The following ZBTB8OS variants were observed in gnomAD, a reference collection of about 807,000 sequenced individuals.
The protein encoded by ZBTB8OS is tRNA splicing ligase complex subunit 1.
A neutral mutation model predicts 29.3 loss-of-function variants in ZBTB8OS; 16 were observed. That is an observed-to-expected ratio of 0.55 (90% CI 0.37 to 0.83). ZBTB8OS has a LOEUF of 0.83. Ranked by LOEUF, ZBTB8OS falls within the 40% of genes least tolerant of loss-of-function variation. ZBTB8OS has a pLI of 0.00. For missense variants in ZBTB8OS, 160 were observed against 196.9 expected, an observed-to-expected ratio of 0.81 and a Z score of 1.12; for synonymous variants, 70 against 64.6, an observed-to-expected ratio of 1.08 and a Z score of -0.40.
intron 1 of ZBTB8OS, among the ~76,000 whole-genome samples, chr1:32,637,875 C>A (rs1646103345): frequency 6.6e-6 from 1 of 151,944 alleles, no homozygotes; most frequent in Non-Finnish European, 1.5e-5. Flanking sequence ...GCTCTGTAGC[C>A]CCGGCTGGAG....
At chr1:32,641,979 T>C (rs1338296255) in intron 1 of ZBTB8OS, among the ~76,000 whole-genome samples, 2 of 152,078 alleles carry the variant, frequency 1.3e-5, no homozygotes, top group African/African-American at 4.8e-5. Context: ...TTTTGTTACA[T>C]AGAATATTAT....
At chr1:32,625,532 T>G (rs934394206) in intron 6 of ZBTB8OS, among the ~76,000 whole-genome samples, 4 of 144,580 alleles carry the variant, frequency 2.8e-5, no homozygotes, top group African/African-American at 1.1e-4. Flanking sequence ...AGACTCCGTC[T>G]CAAAAACAAA....
intron 6 of ZBTB8OS, 128 bp from the exon 7 acceptor site, chr1:32,622,076 A>G: frequency 1.6e-6 from 1 of 637,612 alleles, no homozygotes; most frequent in Middle Eastern, 4.3e-4. Context: ...AACTCACATG[A>G]AACAATTAGT....
At chr1:32,641,101 G>A (rs1164773787) in intron 1 of ZBTB8OS, among the ~76,000 whole-genome samples, 1 of 151,488 alleles carries the variant, frequency 6.6e-6, no homozygotes, top group Admixed American at 6.6e-5. Context: ...GAACCTAGAA[G>A]GTGGAGGTTG....
chr1:32,648,300 T>A (rs1647008380), intron 1 of ZBTB8OS, among the ~76,000 whole-genome samples: 1 of 152,194 alleles, frequency 6.6e-6, no homozygotes, highest in Non-Finnish European at 1.5e-5. Flanking sequence ...AATTTGGCAA[T>A]AACTGTCCAA....
chr1:32,631,323 C>A (rs1322969066), intron 5 of ZBTB8OS, among the ~76,000 whole-genome samples: 1 of 149,794 alleles, frequency 6.7e-6, no homozygotes, highest in Non-Finnish European at 1.5e-5. Context: ...CCACTGTACT[C>A]CAGCCTGGGA....
chr1:32,647,804 T>A (rs993183888), intron 1 of ZBTB8OS, among the ~76,000 whole-genome samples: 1 of 152,012 alleles, frequency 6.6e-6, no homozygotes, highest in African/African-American at 2.4e-5. Flanking sequence ...TTACAGTGAG[T>A]TGTATAATTA....
Position 32,627,558 on chromosome 1 carries a change from AT to A in ZBTB8OS, c.381-15del. 1 of 1,611,620 alleles carries A rather than the reference AT, an allele frequency of 6.2e-7. No homozygotes were observed. The highest frequency in any genetic ancestry group is 8.5e-7 in the Non-Finnish European group (1 of 1,177,862). ...TCTTCTCCCCACCTTGAGAATACAA[AT>A]TAAAACATGATTAAGATTTGTTCTC... On this transcript the variant is annotated splice_polypyrimidine_tract_variant and intron_variant, in intron 5 of 6. Transcript: ENST00000468695.
chr1:32,643,746 C>G (rs576137443), intron 1 of ZBTB8OS, among the ~76,000 whole-genome samples: 2 of 152,206 alleles, frequency 1.3e-5, no homozygotes, highest in Admixed American at 1.3e-4. Context: ...CCGCCTGCCT[C>G]AGCCTCCCAA....
At chr1:32,629,223 C>T (rs1220783756) in intron 5 of ZBTB8OS, among the ~76,000 whole-genome samples, 1 of 151,368 alleles carries the variant, frequency 6.6e-6, no homozygotes, top group Non-Finnish European at 1.5e-5. Context: ...CCAGCCTGGG[C>T]AATGTAGCGA....
intron 4 of ZBTB8OS, 192 bp from the exon 5 acceptor site, chr1:32,632,071 G>A (rs769185828): frequency 8.6e-5 from 24 of 277,646 alleles, no homozygotes; most frequent in African/African-American, 5.5e-4. Context: ...GCGTGATCTC[G>A]GCTCACTGCA....
intron 1 of ZBTB8OS, among the ~76,000 whole-genome samples, chr1:32,642,089 T>G (rs1385815067): frequency 6.6e-6 from 1 of 152,200 alleles, no homozygotes; most frequent in Non-Finnish European, 1.5e-5. Context: ...CAGAAGTATT[T>G]TATTTAACCC....
Position 32,631,858 on chromosome 1 carries a change from C to A in ZBTB8OS, c.349G>T (p.Asp117Tyr). The A allele has an allele frequency of 6.3e-7, 1 of 1,594,666 alleles. No individual in the cohort carries two copies. Among genetic ancestry groups the A allele is most frequent in the South Asian group, 1.1e-5 (1 of 87,332 alleles). The change falls in exon 5 of 7, where the codon GAT (aspartate) becomes TAT (tyrosine). Residue 117 changes from aspartate (D) to tyrosine (Y), a missense_variant. By Grantham distance (160) the Asp-to-Tyr change is radical. Transcript: ENST00000468695. ...IPREVKVLSI[D>Y]QRNFKLRSIG... ...GATCGTAATTTGAAATTTCTTTGAT[C>A]AATGCTAAGTACTTTCACTTCCTAG...
chr1:32,624,265 T>C (rs1644949558), intron 6 of ZBTB8OS, among the ~76,000 whole-genome samples: 2 of 152,216 alleles, frequency 1.3e-5, no homozygotes. Context: ...ACTCTTACCT[T>C]ATCCTGATGG....
chr1:32,630,578 T>C lies in ZBTB8OS; in HGVS notation c.380+1249A>G, dbSNP rs535098102. On this transcript the variant is annotated intron_variant, in intron 5 of 6. Transcript: ENST00000468695. The stretch of plus-strand genomic sequence containing the variant: ...AAATCAATCAATCAATCAATCAAAT[T>C]AAATTAAATTAAATGGAGCCGGGCG... 1.2e-4 allele frequency among the ~76,000 whole-genome samples: 18 copies of C among 148,624 alleles called. 1 individual carries two copies. The highest frequency in any genetic ancestry group is 3.8e-3 in the Middle Eastern group (1 of 264).
At chr1:32,649,623 C>G in intron 1 of ZBTB8OS, among the ~76,000 whole-genome samples, 1 of 147,504 alleles carries the variant, frequency 6.8e-6, no homozygotes, top group Non-Finnish European at 1.5e-5. Flanking sequence ...AGCGAGACCC[C>G]ATCTCTAAAA....
chr1:32,625,301 G>A (rs574970113), intron 6 of ZBTB8OS, among the ~76,000 whole-genome samples: 29 of 151,876 alleles, frequency 1.9e-4, no homozygotes, highest in Non-Finnish European at 4.1e-4. Flanking sequence ...GGGAGGCTGA[G>A]GTAGGTAAAT....
intron 6 of ZBTB8OS, among the ~76,000 whole-genome samples, chr1:32,624,696 C>A (rs1557743389): frequency 6.6e-6 from 1 of 151,720 alleles, no homozygotes; most frequent in Non-Finnish European, 1.5e-5. Flanking sequence ...GAGTTTGAGA[C>A]CAGCCTGACC....
chr1:32,649,631 AAAACAC>A (rs1262982109), intron 1 of ZBTB8OS, among the ~76,000 whole-genome samples: 1 of 16,408 alleles, frequency 6.1e-5, no homozygotes, highest in Non-Finnish European at 3.5e-4. Context: ...CCCATCTCTA[AAAACAC>A]ACACACACAC....
Sources: allele counts gnomAD v4.1 joint callset (sites outside exome capture counted in the v4.1 genomes callset), GRCh38; gene constraint gnomAD v4.1.1; transcripts MANE v1.5; gene names NCBI Gene and HGNC (gene_info 2026-07-23, HGNC 2026-07-21).